USH1C: variants seen among roughly 807,000 people sequenced by gnomAD.
USH1C encodes USH1 protein network component harmonin.
A neutral mutation model predicts 119.3 loss-of-function variants in USH1C; 90 were observed. The observed-to-expected ratio is 0.75, with a 90% confidence interval of 0.64 to 0.90. The LOEUF (loss-of-function observed/expected upper bound fraction) is 0.90, where lower values mean the gene tolerates loss of function less well. Ranked by LOEUF, USH1C falls within the 40% of genes least tolerant of loss-of-function variation. The pLI is 0.00. For missense variants in USH1C, 1,165 were observed against 1,167.7 expected, an observed-to-expected ratio of 1.00 and a Z score of 0.03; for synonymous variants, 465 against 443.3, an observed-to-expected ratio of 1.05 and a Z score of -0.62.
intron 26 of USH1C, chr11:17,494,802 G>A: frequency 3.4e-6 from 1 of 293,890 alleles, no homozygotes; most frequent in South Asian, 3.6e-5. Context: ...GCCATCTGTG[G>A]CTTCAGGCCA....
In USH1C at chr11:17,525,212, T is replaced by C. The variant is rs116553880; in HGVS notation, c.675-677A>G. On this transcript the variant is annotated intron_variant, in intron 8 of 26. Coordinates refer to ENST00000005226, the MANE Select transcript of USH1C (RefSeq NM_153676.4). Reference sequence around the variant, plus strand: ...AAGCAGCACTCCAGGGAGCTGCTACTCATTGACTAGAGATGGCACCTATTT... The same window carrying C: ...AAGCAGCACTCCAGGGAGCTGCTACCCATTGACTAGAGATGGCACCTATTT... Among the ~76,000 whole-genome samples the C allele has an allele frequency of 9.6e-3, 1,455 of 152,310 alleles. 32 individuals are homozygous for C. The highest frequency in any genetic ancestry group is 0.033 in the African/African-American group (1,384 of 41,564).
chr11:17,540,613 T>G (rs1851425476), intron 1 of USH1C, among the ~76,000 whole-genome samples: 1 of 152,120 alleles, frequency 6.6e-6, no homozygotes, highest in Middle Eastern at 3.2e-3. Context: ...TTCCACCACC[T>G]CCTGCTCCGT....
intron 14 of USH1C, among the ~76,000 whole-genome samples, chr11:17,519,387 T>C (rs892472439): frequency 6.6e-6 from 1 of 152,220 alleles, no homozygotes; most frequent in African/African-American, 2.4e-5. Context: ...AAATGCAAAA[T>C]TCTTGGTCTT....
intron 1 of USH1C, among the ~76,000 whole-genome samples, 194 bp downstream of exon 1, chr11:17,544,078 G>T (rs1287274392): frequency 3.9e-5 from 6 of 152,246 alleles, no homozygotes; most frequent in Admixed American, 3.9e-4. Flanking sequence ...CCTTGAGCCG[G>T]GAGTCCCCGC....
intron 15 of USH1C, among the ~76,000 whole-genome samples, chr11:17,513,158 A>G (rs1441378607): frequency 6.6e-6 from 1 of 152,174 alleles, no homozygotes; most frequent in Non-Finnish European, 1.5e-5. Context: ...TCGAGGTCCT[A>G]GTTTTTCTAT....
intron 23 of USH1C, among the ~76,000 whole-genome samples, 153 bp from the exon 24 acceptor site, chr11:17,498,424 T>G (rs1273019792): frequency 6.6e-6 from 1 of 152,160 alleles, no homozygotes. Context: ...GAGGGGAAAC[T>G]AGCCACCTGG....
intron 15 of USH1C, among the ~76,000 whole-genome samples, chr11:17,513,349 A>G (rs553887996): frequency 5.3e-5 from 8 of 151,640 alleles, no homozygotes; most frequent in Non-Finnish European, 1.0e-4. Flanking sequence ...CCCGCCCCCA[A>G]CAAGCCTTCT....
rs780828648 is a variant in USH1C, at chr11:17,509,600, G to A, written c.1769C>T (p.Ala590Val). The change falls in exon 18 of 27, where the codon GCC becomes GTC. Residue 590 changes from alanine (A) to valine (V), a missense_variant. By Grantham distance (64) the Ala-to-Val change is moderately conservative. Transcript: ENST00000005226. ...GCGCTGCACCCATGGAGAGGATGAG[G>A]CGCTCACATGGCCAGATAAGGGAAG... ...PVLPLSGHVS[A>V]SSSPWVQRTP... is the part of the protein sequence containing the mutation. 6.3e-7 allele frequency: 1 copy of A among 1,599,976 alleles called. No individual in the cohort carries two copies. The highest frequency in any genetic ancestry group is 1.1e-5 in the South Asian group (1 of 89,288).
rs143442042 is a variant in USH1C, at chr11:17,538,045, G to C, written c.37-4723C>G. ...CACATCTATTGAACACCTACTGTGG[G>C]AAAGACACCAGTCTTCTTTCTCCGA... On this transcript the variant is annotated intron_variant, in intron 1 of 26. Coordinates refer to ENST00000005226, the MANE Select transcript of USH1C (RefSeq NM_153676.4). 4.0e-3 allele frequency among the ~76,000 whole-genome samples: 605 copies of C among 152,246 alleles called. 11 individuals are homozygous for C. Among genetic ancestry groups the C allele is most frequent in the East Asian group, 2.3e-3 (12 of 5,186 alleles).
At chr11:17,512,197 C>A (rs1849925770) in intron 15 of USH1C, 143 bp from the exon 16 acceptor site, 2 of 938,798 alleles carry the variant, frequency 2.1e-6, no homozygotes, top group South Asian at 2.8e-5. Context: ...GGACATCAGA[C>A]CTCAGGTTTA....
intron 12 of USH1C, 115 bp downstream of exon 12, chr11:17,522,669 C>T (rs1032604149): frequency 6.7e-7 from 1 of 1,502,674 alleles, no homozygotes; most frequent in African/African-American, 1.4e-5. Context: ...TGAGGACTGG[C>T]CTCCAGGGAG....
chr11:17,518,674 G>A (rs113226565), intron 14 of USH1C, among the ~76,000 whole-genome samples: 14,218 of 152,220 alleles, frequency 0.093, 1,091 homozygotes, highest in African/African-American at 0.21. Flanking sequence ...ATTAGGATGA[G>A]TGACTTCATT....
chr11:17,496,943 C>A, intron 24 of USH1C, 130 bp from the exon 25 acceptor site: 1 of 1,015,012 alleles, frequency 9.9e-7, no homozygotes, highest in South Asian at 1.5e-5. Flanking sequence ...CACGGGCCCA[C>A]CTGGGGCCCA....
intron 20 of USH1C, among the ~76,000 whole-genome samples, chr11:17,503,380 C>T (rs1849521918): frequency 6.6e-6 from 1 of 152,168 alleles, no homozygotes; most frequent in Non-Finnish European, 1.5e-5. Flanking sequence ...ATGGCAGGTA[C>T]TTGTGTTTTG....
intron 8 of USH1C, 44 bp from the exon 9 acceptor site, chr11:17,524,579 T>G (rs376872021): frequency 6.5e-7 from 1 of 1,548,418 alleles, no homozygotes; most frequent in Non-Finnish European, 8.7e-7. Flanking sequence ...AGGTAACCCA[T>G]GTCCAGTGCT....
In USH1C at chr11:17,505,927, G is replaced by A. The variant is rs778245852; in HGVS notation, c.2036C>T (p.Pro679Leu). The A allele has an allele frequency of 1.2e-6, 2 of 1,614,124 alleles. No individual in the cohort carries two copies. Among genetic ancestry groups the A allele is most frequent in the Admixed American group, 1.7e-5 (1 of 60,016 alleles). ...TPKTFCPSPQ[P>L]PRGPGVSTIS... is the part of the protein sequence containing the mutation. The stretch of plus-strand genomic sequence containing the variant: ...GGTGGACACGCCAGGGCCTCGTGGA[G>A]GCTGTGGGCTTGGGCAAAATGTCTA... Residue 679 changes from proline (P) to leucine (L), a missense_variant, in exon 19 of 27, where the codon CCT (proline) becomes CTT (leucine). Coordinates refer to ENST00000005226, the MANE Select transcript of USH1C (RefSeq NM_153676.4).
At position 17,531,422 on chromosome 11, in the gene USH1C, A is replaced by T. The variant is rs111033279; in HGVS notation, c.225T>A (p.Asp75Glu). ...LIPLKHQVEY[D>E]QLTPRRSRKL... Reference sequence around the variant, plus strand: ...ACCTGGAGCGCCGGGGGGTCAGCTGATCATATTCCACCTGGTGCTTCAGTG... The same window carrying T: ...ACCTGGAGCGCCGGGGGGTCAGCTGTTCATATTCCACCTGGTGCTTCAGTG... Residue 75 changes from aspartate to glutamate, a missense_variant, in exon 3 of 27, where the codon GAT (aspartate) becomes GAA (glutamate). Transcript: ENST00000005226. The surrounding 1 kb of genome is among the most constrained non-coding windows in gnomAD (Gnocchi z 4.2). 10 of 1,613,850 alleles carry T rather than the reference A, an allele frequency of 6.2e-6. No individual in the cohort carries two copies. The highest frequency in any genetic ancestry group is 4.0e-5 in the African/African-American group (3 of 74,916).
chr11:17,525,626 C>A (rs552504520), intron 8 of USH1C, among the ~76,000 whole-genome samples: 2 of 152,298 alleles, frequency 1.3e-5, no homozygotes, highest in East Asian at 3.9e-4. Context: ...ATCTGAGTAA[C>A]GGTGGCACCT....
chr11:17,495,806 G>T (rs1192666375), intron 25 of USH1C, 129 bp from the exon 26 acceptor site: 1 of 963,392 alleles, frequency 1.0e-6, no homozygotes, highest in Non-Finnish European at 1.6e-6. Flanking sequence ...CCAGAATTAG[G>T]AGCTGCGAGA....
Sources: gnomAD v4.1 joint callset for allele counts (sites outside exome capture counted in the v4.1 genomes callset) on GRCh38, gnomAD v4.1.1 for gene constraint, Gnocchi (gnomAD v3.1) non-coding constraint, MANE v1.5 for transcripts, NCBI Gene and HGNC (gene_info 2026-07-23, HGNC 2026-07-21) for gene names.